SLC22A15: variants seen among roughly 807,000 people sequenced by gnomAD.
SLC22A15 encodes flipt 1.
In SLC22A15, 45 loss-of-function variants were observed where a neutral mutation model predicts 62.7. That is an observed-to-expected ratio of 0.72 (90% confidence interval 0.56 to 0.92). The LOEUF (loss-of-function observed/expected upper bound fraction) is 0.92. Among genes scored for constraint, SLC22A15 ranks in the 40% least tolerant of loss-of-function variants. The pLI, the probability that SLC22A15 is intolerant of heterozygous loss-of-function variation, is 0.00. For missense variants in SLC22A15, 622 were observed against 665.6 expected (o/e 0.93, Z 0.72); for synonymous variants, 264 against 267.0 (o/e 0.99, Z 0.11).
chr1:116,068,192 G>A lies in SLC22A15; in HGVS notation c.*1084G>A, dbSNP rs1658541791. ...CATTAAGTGCTACCAACTTTCAAGT[G>A]AATCTTGTATTTGATTTCCTAAAAT... On this transcript the variant is annotated 3_prime_UTR_variant, in exon 12 of 12. Coordinates refer to ENST00000369503, the MANE Select transcript of SLC22A15 (RefSeq NM_018420.3). 3.9e-5 allele frequency: 6 copies of A among 152,606 alleles called. No individual in the cohort carries two copies. The South Asian group carries it at 1.2e-3, about 32-fold the overall frequency. The allele number at this position is 152,606 out of a possible 1,614,324, so 9.5% of individuals were successfully genotyped here. A position where few individuals can be genotyped will look rare whatever the true frequency, so the allele number is the denominator to read the frequency against.
At chr1:116,057,951 A>G (rs1421529733) in intron 8 of SLC22A15, among the ~76,000 whole-genome samples, 2 of 152,064 alleles carry the variant, frequency 1.3e-5, no homozygotes, top group Non-Finnish European at 2.9e-5. Flanking sequence ...AGATATACCT[A>G]ATGCTAAATG....
intron 8 of SLC22A15, among the ~76,000 whole-genome samples, chr1:116,054,823 G>C (rs1658157837): frequency 6.6e-6 from 1 of 152,078 alleles, no homozygotes; most frequent in Non-Finnish European, 1.5e-5. Context: ...ATAACGAAAT[G>C]AAGGCAGAAA....
chr1:115,997,213 C>T (rs984540613), intron 2 of SLC22A15, among the ~76,000 whole-genome samples: 1 of 152,060 alleles, frequency 6.6e-6, no homozygotes, highest in Non-Finnish European at 1.5e-5. Context: ...AATTTGAAGT[C>T]AAATAATGTG....
chr1:115,990,303 C>G (rs1655084691), intron 1 of SLC22A15, among the ~76,000 whole-genome samples: 1 of 152,196 alleles, frequency 6.6e-6, no homozygotes, highest in Admixed American at 6.5e-5. Flanking sequence ...TTTGCTTTGC[C>G]TAATTGAAGG....
chr1:116,020,922 C>T (rs1337696476), intron 4 of SLC22A15, 37 bp downstream of exon 4: 4 of 1,536,356 alleles, frequency 2.6e-6, no homozygotes, highest in South Asian at 1.3e-5. Context: ...ACTGGGTGAG[C>T]AGCTCCAGAA....
intron 2 of SLC22A15, among the ~76,000 whole-genome samples, chr1:116,016,878 A>G (rs1273041972): frequency 6.6e-6 from 1 of 152,142 alleles, no homozygotes; most frequent in African/African-American, 2.4e-5. Context: ...CCAAGCCATC[A>G]TTATCTCCTA....
intron 4 of SLC22A15, among the ~76,000 whole-genome samples, chr1:116,023,015 A>C (rs1268770444): frequency 6.6e-6 from 1 of 152,088 alleles, no homozygotes; most frequent in Non-Finnish European, 1.5e-5. Context: ...TTTTATCTAC[A>C]CCTGTGGCTT....
Position 116,035,194 on chromosome 1 carries a change from T to A in SLC22A15, c.952T>A (p.Cys318Ser), listed in dbSNP as rs1325136093. 3 of 1,611,946 alleles carry A rather than the reference T, an allele frequency of 1.9e-6. No individual in the cohort carries two copies. Among genetic ancestry groups the A allele is most frequent in the East Asian group, 4.5e-5 (2 of 44,822 alleles). ...TTTGACTCCCAATTGCAGGTTTGTG[T>A]GCAGCTTGGTGTATTATGGCCTAAC... ...TLILMFIWFV[C>S]SLVYYGLTLS... The change falls in exon 7 of 12, where the codon TGC becomes AGC. Residue 318 changes from cysteine (C) to serine (S), a missense_variant. Transcript: ENST00000369503.
intron 2 of SLC22A15, among the ~76,000 whole-genome samples, chr1:115,995,618 A>G (rs1445015630): frequency 6.6e-6 from 1 of 152,146 alleles, no homozygotes; most frequent in Non-Finnish European, 1.5e-5. Flanking sequence ...TCTACTGTAA[A>G]CAAGAGCCCT....
intron 4 of SLC22A15, 130 bp from the exon 5 acceptor site, chr1:116,026,763 G>C: frequency 1.0e-6 from 1 of 960,584 alleles, no homozygotes; most frequent in South Asian, 2.4e-5. Context: ...TTCTTTTCTG[G>C]TGTGCCTCTT....
intron 2 of SLC22A15, among the ~76,000 whole-genome samples, chr1:116,004,717 C>T (rs1570714599): frequency 6.6e-6 from 1 of 152,212 alleles, no homozygotes; most frequent in Middle Eastern, 3.4e-3. Context: ...GTGTTCCCTT[C>T]TTTTATATTT....
chr1:116,059,221 C>A (rs1165721445), intron 8 of SLC22A15, among the ~76,000 whole-genome samples: 2 of 152,138 alleles, frequency 1.3e-5, no homozygotes, highest in Admixed American at 6.6e-5. Context: ...AACTCATATA[C>A]ATTGCTAGTA....
intron 7 of SLC22A15, among the ~76,000 whole-genome samples, chr1:116,036,215 C>T (rs1657623920): frequency 6.6e-6 from 1 of 152,086 alleles, no homozygotes; most frequent in Non-Finnish European, 1.5e-5. Context: ...GAAATCTTTC[C>T]CAGCACCCCC....
At chr1:116,024,372 C>T (rs1656990588) in intron 4 of SLC22A15, among the ~76,000 whole-genome samples, 1 of 152,106 alleles carries the variant, frequency 6.6e-6, no homozygotes, top group African/African-American at 2.4e-5. Context: ...TTCTAACCTG[C>T]TGAAGTTTAG....
intron 8 of SLC22A15, among the ~76,000 whole-genome samples, chr1:116,055,707 A>G (rs1245033589): frequency 1.3e-5 from 2 of 151,686 alleles, no homozygotes; most frequent in Non-Finnish European, 2.9e-5. Flanking sequence ...CTTATCCACC[A>G]TGATCAAGTG....
At position 116,007,026 on chromosome 1, in the gene SLC22A15, G is replaced by A. The variant is rs563493498; in HGVS notation, c.301-12556G>A. On this transcript the variant is annotated intron_variant, in intron 2 of 11. Transcript: ENST00000369503. ...GGATGTATATGTTATTATCCACCTT[G>A]ATTATAGTTATTGATAATTATACGT... Among the ~76,000 whole-genome samples the A allele has an allele frequency of 5.9e-5, 9 of 152,160 alleles. No homozygotes were observed. The South Asian group carries it at 1.5e-3, about 25-fold the overall frequency.
chr1:116,032,099 G>C (rs1657434435), intron 6 of SLC22A15: 1 of 985,258 alleles, frequency 1.0e-6, no homozygotes, highest in South Asian at 4.7e-5. Context: ...GACCCCAGGA[G>C]TTTGAAGTGA....
intron 6 of SLC22A15, chr1:116,032,459 A>T: frequency 1.0e-6 from 1 of 985,430 alleles, no homozygotes; most frequent in Non-Finnish European, 1.2e-6. Flanking sequence ...CCTACATTTC[A>T]TGCAGGGATA....
At chr1:116,066,028 C>A (rs1427287151) in intron 10 of SLC22A15, among the ~76,000 whole-genome samples, 1 of 152,150 alleles carries the variant, frequency 6.6e-6, no homozygotes, top group African/African-American at 2.4e-5. Flanking sequence ...AGTTTTTACA[C>A]CTTTAATCCC....
Sources: allele counts gnomAD v4.1 joint callset (sites outside exome capture counted in the v4.1 genomes callset), GRCh38; gene constraint gnomAD v4.1.1; transcripts MANE v1.5; gene names NCBI Gene and HGNC (gene_info 2026-07-23, HGNC 2026-07-21).